HMGA2: variants seen among roughly 807,000 people sequenced by gnomAD.
HMGA2 encodes high mobility group AT-hook 2.
Under a neutral mutation model 19.1 loss-of-function variants are expected in HMGA2, and 8 were observed. That is an observed-to-expected ratio of 0.42 (90% CI 0.25 to 0.76). HMGA2 has a LOEUF of 0.76. Ranked by LOEUF, HMGA2 falls within the 30% of genes least tolerant of loss-of-function variation. The pLI, the probability that HMGA2 is intolerant of heterozygous loss-of-function variation, is 0.28. For synonymous variants in HMGA2, 60 were observed against 48.8 expected (o/e 1.23, Z -0.96); for missense variants, 109 against 136.3 (o/e 0.80, Z 1.00).
intron 3 of HMGA2, among the ~76,000 whole-genome samples, chr12:65,898,043 T>C (rs900621372): frequency 5.3e-5 from 8 of 152,096 alleles, no homozygotes; most frequent in African/African-American, 1.9e-4. Flanking sequence ...CAGCCACTGA[T>C]GCTAATTCTT....
chr12:65,882,204 A>G (rs1873449265), intron 3 of HMGA2: 2 of 336,632 alleles, frequency 5.9e-6, no homozygotes, highest in South Asian at 2.6e-5. Flanking sequence ...ATGTGCTGCT[A>G]TTTCGGAGGC....
chr12:65,881,937 T>G (rs1873427466), intron 3 of HMGA2: 1 of 701,064 alleles, frequency 1.4e-6, no homozygotes, highest in Admixed American at 2.0e-5. Context: ...ATGGAGAGAT[T>G]CCAATTGCGG....
chr12:65,836,750 C>A (rs956617994), intron 2 of HMGA2, among the ~76,000 whole-genome samples: 4 of 152,280 alleles, frequency 2.6e-5, no homozygotes, highest in East Asian at 3.9e-4. Flanking sequence ...ACAAATGATT[C>A]CTTTGTGGAG....
At chr12:65,937,948 T>C (rs975586519) in intron 3 of HMGA2, among the ~76,000 whole-genome samples, 1 of 152,104 alleles carries the variant, frequency 6.6e-6, no homozygotes, top group Non-Finnish European at 1.5e-5. Flanking sequence ...ATTCCCCAAT[T>C]TCCTTTGTTC....
At chr12:65,905,686 G>A (rs763746307) in intron 3 of HMGA2, among the ~76,000 whole-genome samples, 1 of 151,976 alleles carries the variant, frequency 6.6e-6, no homozygotes, top group Non-Finnish European at 1.5e-5. Context: ...ACTTACATAA[G>A]GAATATTTTT....
At chr12:65,882,959 G>T (rs1272543046) in intron 3 of HMGA2, among the ~76,000 whole-genome samples, 2 of 152,166 alleles carry the variant, frequency 1.3e-5, no homozygotes, top group African/African-American at 4.8e-5. Flanking sequence ...TAATCAAATG[G>T]CAGACTCTGC....
intron 3 of HMGA2, among the ~76,000 whole-genome samples, chr12:65,864,351 TA>T (rs369531065): frequency 3.9e-4 from 59 of 152,314 alleles, no homozygotes; most frequent in Middle Eastern, 3.4e-3. Context: ...GCCAAGATGA[TA>T]ATTTTTTGGC....
intron 3 of HMGA2, among the ~76,000 whole-genome samples, chr12:65,922,329 AG>A (rs1875346199): frequency 6.6e-6 from 1 of 152,204 alleles, no homozygotes; most frequent in Non-Finnish European, 1.5e-5. Context: ...CTAAGACCGT[AG>A]GAACCAACCT....
At chr12:65,915,307 TC>T in intron 3 of HMGA2, 1 of 1,421,726 alleles carries the variant, frequency 7.0e-7, no homozygotes, top group Non-Finnish European at 9.2e-7. Flanking sequence ...GAAGTCTGCA[TC>T]CCAAGATGTA....
chr12:65,952,539 A>G, intron 4 of HMGA2: 1 of 1,416,224 alleles, frequency 7.1e-7, no homozygotes, highest in Non-Finnish European at 9.2e-7. Flanking sequence ...GAAAAAAATC[A>G]TTTTCATTGC....
intron 3 of HMGA2, chr12:65,934,823 C>T (rs986185467): frequency 1.3e-5 from 2 of 152,142 alleles, no homozygotes; most frequent in Non-Finnish European, 2.9e-5. Flanking sequence ...TGGTGAGTAT[C>T]CATAAAGGCA....
rs144305369 is a variant in HMGA2 at position 65,931,599 on chromosome 12, G to A, written c.250-19784G>A. Among the ~76,000 whole-genome samples the A allele has an allele frequency of 1.4e-3, 213 of 149,492 alleles. 1 individual carries two copies. Among genetic ancestry groups the A allele is most frequent in the South Asian group, 1.9e-3 (9 of 4,662 alleles). ...TGTGTGTGTGTGTGTGTTTGTGTGC[G>A]TATCAATATATCCAGATGTGTCCAA... On this transcript the variant is annotated intron_variant, in intron 3 of 4. Transcript: ENST00000403681.
At position 65,922,691 on chromosome 12, in the gene HMGA2, T is replaced by C. The variant is rs924496306; in HGVS notation, c.250-28692T>C. ...GTTTTGAAATGTGTAGATATGAGAT[T>C]TGGAGGGGCCAGGGGCAGTATGATA... On this transcript the variant is annotated intron_variant, in intron 3 of 4. Transcript: ENST00000403681. 4.0e-5 allele frequency among the ~76,000 whole-genome samples: 6 copies of C among 151,724 alleles called. 1 individual carries two copies. Among genetic ancestry groups the C allele is most frequent in the African/African-American group, 1.5e-4 (6 of 41,256 alleles).
intron 3 of HMGA2, among the ~76,000 whole-genome samples, chr12:65,872,517 G>C (rs1163615719): frequency 5.9e-5 from 9 of 152,140 alleles, no homozygotes; most frequent in Admixed American, 5.9e-4. Flanking sequence ...GCTTATCTGA[G>C]TGCCATCATA....
chr12:65,902,714 CATT>C (rs1874423398), intron 3 of HMGA2, among the ~76,000 whole-genome samples: 1 of 152,124 alleles, frequency 6.6e-6, no homozygotes, highest in South Asian at 2.1e-4. Flanking sequence ...TATCTTTTTA[CATT>C]CAGAAGAAAG....
chr12:65,857,585 C>G (rs1285759057), intron 3 of HMGA2: 5 of 152,218 alleles, frequency 3.3e-5, no homozygotes. Flanking sequence ...CCAGACTTCA[C>G]TGGTTGAATA....
intron 3 of HMGA2, among the ~76,000 whole-genome samples, chr12:65,902,827 T>A (rs975399669): frequency 1.2e-4 from 18 of 152,190 alleles, no homozygotes; most frequent in Admixed American, 2.0e-4. Flanking sequence ...CGGTGTGGCC[T>A]AAGATAATTC....
At position 65,863,658 on chromosome 12, in the gene HMGA2, G is replaced by C. The variant is rs1408205962; in HGVS notation, c.249+25089G>C. ...AATTTGGGATTCATTCACAAGAAAA[G>C]TCCTGAATGGTTTTCCCATGGACAG... On this transcript the variant is annotated intron_variant, in intron 3 of 4. Transcript: ENST00000403681. Among the ~76,000 whole-genome samples, 3 of 152,348 alleles carry C rather than the reference G, an allele frequency of 2.0e-5. No individual in the cohort carries two copies. In the South Asian group the frequency reaches 6.2e-4, roughly 32 times the overall value.
chr12:65,953,460 T>C (rs948738295), intron 4 of HMGA2: 4 of 152,164 alleles, frequency 2.6e-5, no homozygotes, highest in African/African-American at 7.2e-5. Flanking sequence ...ACAGATGAGA[T>C]GAATGGCATA....
Sources: allele counts gnomAD v4.1 joint callset (sites outside exome capture counted in the v4.1 genomes callset), GRCh38; gene constraint gnomAD v4.1.1; transcripts MANE v1.5; gene names NCBI Gene and HGNC (gene_info 2026-07-23, HGNC 2026-07-21).